Variants in GPC5 observed in about 807,000 individuals in gnomAD.
GPC5 encodes the protein glypican 5, also known as glypican-5.
In GPC5, 47 loss-of-function variants were observed where a neutral mutation model predicts 53.9. The observed-to-expected ratio is 0.87, with a 90% CI of 0.69 to 1.11. The LOEUF (loss-of-function observed/expected upper bound fraction) is 1.11. Ranked by LOEUF, GPC5 falls within the 50% of genes most tolerant of loss-of-function variation. GPC5 has a pLI of 0.00. For missense variants in GPC5, 748 were observed against 713.1 expected (o/e 1.05, Z -0.56); for synonymous variants, 286 against 263.3 (o/e 1.09, Z -0.84).
At chr13:91,726,714 G>A (rs947115241) in intron 3 of GPC5, among the ~76,000 whole-genome samples, 2 of 152,034 alleles carry the variant, frequency 1.3e-5, no homozygotes, top group Non-Finnish European at 2.9e-5. Context: ...TCCCTCCTGT[G>A]CGTCTCTGAA....
chr13:92,020,569 G>A (rs2040748889), intron 6 of GPC5, among the ~76,000 whole-genome samples: 1 of 151,754 alleles, frequency 6.6e-6, no homozygotes, highest in East Asian at 1.9e-4. Context: ...TAGTGACACT[G>A]AGCATTCTAT....
chr13:91,419,541 T>C (rs1470437385), intron 1 of GPC5, among the ~76,000 whole-genome samples: 1 of 152,198 alleles, frequency 6.6e-6, no homozygotes, highest in Non-Finnish European at 1.5e-5. Flanking sequence ...AAAATTTTCA[T>C]GGATTTTTCT....
intron 7 of GPC5, among the ~76,000 whole-genome samples, chr13:92,463,360 C>T (rs548538630): frequency 2.6e-4 from 40 of 152,292 alleles, no homozygotes; most frequent in African/African-American, 9.1e-4. Context: ...GATCTGTCAC[C>T]GTCTAACTCT....
chr13:91,757,683 G>A (rs573052146), intron 5 of GPC5, among the ~76,000 whole-genome samples: 10 of 152,204 alleles, frequency 6.6e-5, no homozygotes, highest in South Asian at 2.1e-4. Context: ...GGCCTCTCTA[G>A]CCATGCTGAA....
chr13:92,830,499 C>A (rs1878011262), intron 7 of GPC5, among the ~76,000 whole-genome samples: 1 of 152,040 alleles, frequency 6.6e-6, no homozygotes, highest in Non-Finnish European at 1.5e-5. Context: ...AGAGACACAC[C>A]AGAATTTTTC....
intron 6 of GPC5, among the ~76,000 whole-genome samples, chr13:91,998,849 C>G (rs572109742): frequency 8.5e-5 from 13 of 152,266 alleles, no homozygotes; most frequent in African/African-American, 2.6e-4. Flanking sequence ...AAAACCTAAA[C>G]CATCCGTCCA....
chr13:92,414,543 A>G (rs1414856267), intron 7 of GPC5, among the ~76,000 whole-genome samples: 8 of 152,018 alleles, frequency 5.3e-5, no homozygotes, highest in Non-Finnish European at 1.5e-5. Flanking sequence ...ATGAAGGGGA[A>G]GTACAGAGTG....
chr13:92,761,236 AT>A (rs1875163721), intron 7 of GPC5, among the ~76,000 whole-genome samples: 1 of 152,174 alleles, frequency 6.6e-6, no homozygotes, highest in South Asian at 2.1e-4. Context: ...AGGCATAATT[AT>A]AGCACACTGT....
In GPC5 at chr13:91,470,154, G is replaced by A. The variant is rs941295061; in HGVS notation, c.325+21232G>A. Among the ~76,000 whole-genome samples the A allele has an allele frequency of 2.0e-5, 3 of 152,184 alleles. No homozygotes were observed. The South Asian group carries it at 6.2e-4, about 31-fold the overall frequency. On this transcript the variant is annotated intron_variant, in intron 2 of 7. Coordinates refer to ENST00000377067, the MANE Select transcript of GPC5 (RefSeq NM_004466.6). Reference sequence around the variant, plus strand: ...GTTGCAGCAGCCAGAACAATTAAAAGCATAGTAGCTTGGTTATGTCATGTC... The same window carrying A: ...GTTGCAGCAGCCAGAACAATTAAAAACATAGTAGCTTGGTTATGTCATGTC...
At chr13:92,457,554 C>A (rs1166192430) in intron 7 of GPC5, among the ~76,000 whole-genome samples, 1 of 152,100 alleles carries the variant, frequency 6.6e-6, no homozygotes, top group African/African-American at 2.4e-5. Flanking sequence ...GGTCATGCTA[C>A]CCCAGGCTCA....
chr13:92,257,927 A>G (rs2042739331), intron 7 of GPC5, among the ~76,000 whole-genome samples: 1 of 152,128 alleles, frequency 6.6e-6, no homozygotes, highest in Admixed American at 6.5e-5. Context: ...CTGGTAATTA[A>G]ACCAAATTAT....
At chr13:92,007,880 G>T (rs2040621893) in intron 6 of GPC5, among the ~76,000 whole-genome samples, 1 of 151,840 alleles carries the variant, frequency 6.6e-6, no homozygotes. Context: ...CTCCCTTTAT[G>T]CCATGTACAC....
chr13:92,828,047 A>G (rs1877912475), intron 7 of GPC5, among the ~76,000 whole-genome samples: 1 of 152,148 alleles, frequency 6.6e-6, no homozygotes, highest in African/African-American at 2.4e-5. Flanking sequence ...GCATAGAGAA[A>G]GAAACAGGCA....
At chr13:91,486,975 A>AT (rs1266254443) in intron 2 of GPC5, 11 of 152,182 alleles carry the variant, frequency 7.2e-5, no homozygotes, top group Non-Finnish European at 1.2e-4. Flanking sequence ...TCTGTGACTG[A>AT]TGTGGGGGCT....
At chr13:91,936,708 T>A (rs2039874577) in intron 6 of GPC5, among the ~76,000 whole-genome samples, 2 of 151,590 alleles carry the variant, frequency 1.3e-5, no homozygotes, top group African/African-American at 4.8e-5. Flanking sequence ...CAAATAGATA[T>A]CTCCTCTGAA....
intron 7 of GPC5, among the ~76,000 whole-genome samples, chr13:92,537,559 T>C (rs1881766147): frequency 6.6e-6 from 1 of 152,156 alleles, no homozygotes; most frequent in Non-Finnish European, 1.5e-5. Context: ...TTCTTTCAAG[T>C]AGTGTTTATC....
chr13:91,973,248 G>C (rs1271672454), intron 6 of GPC5, among the ~76,000 whole-genome samples: 1 of 152,032 alleles, frequency 6.6e-6, no homozygotes. Context: ...CTTTCTTCCA[G>C]TTGATCTCAT....
rs984660007 is a variant in GPC5, at chr13:92,415,722, C to A, written c.1561+270733C>A. Among the ~76,000 whole-genome samples the A allele has an allele frequency of 1.9e-4, 29 of 151,306 alleles. 1 individual carries two copies. The highest frequency in any genetic ancestry group is 1.3e-3 in the Admixed American group (20 of 15,180). On this transcript the variant is annotated intron_variant, in intron 7 of 7. Transcript: ENST00000377067. ...ATAGCAGCGGAATGATAATATAAGT[C>A]ATTGTAGTGAGCTACGCAGAACAGA...
At chr13:92,260,024 G>A (rs1958799783) in intron 7 of GPC5, among the ~76,000 whole-genome samples, 2 of 152,134 alleles carry the variant, frequency 1.3e-5, no homozygotes, top group South Asian at 2.1e-4. Flanking sequence ...CCTCTAATCT[G>A]CAGCCTTAGC....
Sources: allele counts gnomAD v4.1 joint callset (sites outside exome capture counted in the v4.1 genomes callset), GRCh38; gene constraint gnomAD v4.1.1; transcripts MANE v1.5; gene names NCBI Gene and HGNC (gene_info 2026-07-23, HGNC 2026-07-21).